PELI1: variants seen among roughly 807,000 people sequenced by gnomAD.
PELI1 encodes E3 ubiquitin-protein ligase pellino homolog 1.
A neutral mutation model predicts 41.3 loss-of-function variants in PELI1; 15 were observed. That is an observed-to-expected ratio of 0.36 (90% CI 0.24 to 0.56). The LOEUF is 0.56. Among genes scored for constraint, PELI1 ranks in the 20% least tolerant of loss-of-function variants. PELI1 has a pLI of 0.82. For missense variants in PELI1, 403 were observed against 525.5 expected (o/e 0.77, Z 2.28); for synonymous variants, 178 against 180.1 (o/e 0.99, Z 0.09).
At chr2:64,141,936 G>A (rs1348267720) in intron 1 of PELI1, among the ~76,000 whole-genome samples, 1 of 152,086 alleles carries the variant, frequency 6.6e-6, no homozygotes, top group East Asian at 1.9e-4. Flanking sequence ...TGGTAAATCT[G>A]GCTTGAAAAT....
intron 1 of PELI1, among the ~76,000 whole-genome samples, chr2:64,116,471 C>T (rs1680996168): frequency 6.6e-6 from 1 of 152,188 alleles, no homozygotes; most frequent in Non-Finnish European, 1.5e-5. Flanking sequence ...AAAGGATATT[C>T]ATGGGAAATC....
intron 2 of PELI1, among the ~76,000 whole-genome samples, chr2:64,107,256 T>C (rs1576077738): frequency 6.6e-6 from 1 of 152,208 alleles, no homozygotes; most frequent in African/African-American, 2.4e-5. Flanking sequence ...TTCTAGTTTC[T>C]GAGATCTCTA....
intron 2 of PELI1, among the ~76,000 whole-genome samples, chr2:64,105,442 C>A (rs2103684598): frequency 6.6e-6 from 1 of 151,650 alleles, no homozygotes; most frequent in East Asian, 1.9e-4. Flanking sequence ...TGTACACATA[C>A]ACACACACAC....
At chr2:64,110,339 A>C (rs1576080928) in intron 1 of PELI1, among the ~76,000 whole-genome samples, 1 of 151,946 alleles carries the variant, frequency 6.6e-6, no homozygotes, top group Non-Finnish European at 1.5e-5. Context: ...CTGACAGTGG[A>C]GTTCTCATCA....
At chr2:64,096,732 A>G in intron 4 of PELI1, 122 bp from the exon 5 acceptor site, 1 of 638,782 alleles carries the variant, frequency 1.6e-6, no homozygotes, top group Admixed American at 2.9e-5. Context: ...GAAGTTTACC[A>G]TACTTAACGC....
At chr2:64,100,681 G>GCA (rs1576071287) in intron 3 of PELI1, among the ~76,000 whole-genome samples, 182 bp from the exon 4 acceptor site, 1 of 152,172 alleles carries the variant, frequency 6.6e-6, no homozygotes, top group East Asian at 1.9e-4. Context: ...GGGTTGAATG[G>GCA]GGTACTGAAG....
At position 64,104,691 on chromosome 2, in the gene PELI1, T is replaced by TA. The variant is rs757710272; in HGVS notation, c.201+9_201+10insT. The TA allele has an allele frequency of 1.1e-4, 170 of 1,557,266 alleles. No homozygotes were observed. The highest frequency in any genetic ancestry group is 1.1e-3 in the Middle Eastern group (6 of 5,686). On this transcript the variant is annotated intron_variant, in intron 3 of 6. Transcript: ENST00000358912. ...AGTTAATTTATGTAGCTTTTTTTTT[T>TA]TTTTTTTACCTTTGCAGCCTGAGGA...
At chr2:64,130,798 T>C (rs1448434664) in intron 1 of PELI1, among the ~76,000 whole-genome samples, 2 of 152,160 alleles carry the variant, frequency 1.3e-5, no homozygotes, top group African/African-American at 4.8e-5. Flanking sequence ...TTAAAGCCTT[T>C]TGGGAACAGA....
At chr2:64,101,316 A>G (rs1680422137) in intron 3 of PELI1, among the ~76,000 whole-genome samples, 1 of 151,486 alleles carries the variant, frequency 6.6e-6, no homozygotes, top group Admixed American at 6.6e-5. Context: ...CCAGGAGATA[A>G]AAGAAAAAAA....
At chr2:64,100,131 T>TC (rs1318297884) in intron 4 of PELI1, among the ~76,000 whole-genome samples, 4 of 152,152 alleles carry the variant, frequency 2.6e-5, no homozygotes, top group Non-Finnish European at 1.5e-5. Context: ...CTCTTAACAG[T>TC]CATAGGGGAG....
chr2:64,142,430 A>G (rs1331453553), intron 1 of PELI1, among the ~76,000 whole-genome samples: 3 of 152,238 alleles, frequency 2.0e-5, no homozygotes, highest in Non-Finnish European at 2.9e-5. Flanking sequence ...CACTATTACT[A>G]CAGTTCTGAT....
chr2:64,109,894 C>T (rs1680748426), intron 1 of PELI1, among the ~76,000 whole-genome samples: 3 of 152,248 alleles, frequency 2.0e-5, no homozygotes, highest in African/African-American at 7.2e-5. Flanking sequence ...ATAGCAAAAT[C>T]TAACACGTGT....
In PELI1 at chr2:64,095,283, A is replaced by C; in HGVS notation, c.691-15T>G. ...TCAATTTCCACCTAGAGGAGACAAG[A>C]GTTGAAAAACATATTCACCACTCTG... is the stretch of plus-strand genomic sequence containing the variant. On this transcript the variant is annotated splice_polypyrimidine_tract_variant and intron_variant, in intron 6 of 6. Transcript: ENST00000358912. 6.3e-7 allele frequency: 1 copy of C among 1,586,376 alleles called. No homozygotes were observed. The highest frequency in any genetic ancestry group is 8.7e-7 in the Non-Finnish European group (1 of 1,156,038).
rs1680161468 is a variant in PELI1, at chr2:64,094,561, A to G, written c.*141T>C. On this transcript the variant is annotated 3_prime_UTR_variant, in exon 7 of 7. Transcript: ENST00000358912. ...AGATTTTTGCTCAGAAATTGCTACT[A>G]TTTATTATAAATGTTTTAAAAAATT... The G allele has an allele frequency of 1.9e-6, 1 of 539,242 alleles. No homozygotes were observed. Among genetic ancestry groups the G allele is most frequent in the Non-Finnish European group, 3.2e-6 (1 of 310,102 alleles). The allele number at this position is 539,242 out of a possible 1,614,324, so 33.4% of individuals were successfully genotyped here.
intron 1 of PELI1, among the ~76,000 whole-genome samples, chr2:64,110,799 T>C (rs931079266): frequency 1.3e-5 from 2 of 151,956 alleles, no homozygotes; most frequent in African/African-American, 2.4e-5. Flanking sequence ...TGGTGGCACG[T>C]GCCTGTAGTC....
chr2:64,101,986 C>T (rs1680452897), intron 3 of PELI1, among the ~76,000 whole-genome samples: 1 of 152,070 alleles, frequency 6.6e-6, no homozygotes, highest in African/African-American at 2.4e-5. Context: ...TGCCACCACG[C>T]CCGGCTAATT....
At chr2:64,134,405 G>C (rs1175759779) in intron 1 of PELI1, among the ~76,000 whole-genome samples, 1 of 152,020 alleles carries the variant, frequency 6.6e-6, no homozygotes, top group Non-Finnish European at 1.5e-5. Context: ...AGTTCCTTTG[G>C]AGAACAGACA....
Position 64,096,453 on chromosome 2 carries a change from T to C in PELI1, c.461A>G (p.Tyr154Cys), listed in dbSNP as rs759666257. 1.9e-6 allele frequency: 3 copies of C among 1,613,780 alleles called. No homozygotes were observed. Among genetic ancestry groups the C allele is most frequent in the South Asian group, 2.2e-5 (2 of 91,074 alleles). The change falls in exon 5 of 7, where the codon TAT becomes TGT. Residue 154 changes from tyrosine (Y) to cysteine (C), a missense_variant. Tyr to Cys is a radical substitution (Grantham distance 194). Coordinates refer to ENST00000358912, the MANE Select transcript of PELI1 (RefSeq NM_020651.4). ...TTTTGATGAGTCAAATCCTGCAGCATAAATCCGTGCTGTAAAGGGAGGATT... is the reference window on the plus strand; with the variant it reads ...TTTTGATGAGTCAAATCCTGCAGCACAAATCCGTGCTGTAAAGGGAGGATT... ...ERNPPFTARI[Y>C]AAGFDSSKNI...
In PELI1 at chr2:64,101,867, G is replaced by A. The variant is rs1240813478; in HGVS notation, c.202-1368C>T. ...TTTGGAGACAGAGTCTCGCTCTGTC[G>A]CCTAGGTTGCAGTGCAGTGGTGCTA... On this transcript the variant is annotated intron_variant, in intron 3 of 6. Transcript: ENST00000358912. 8.3e-5 allele frequency among the ~76,000 whole-genome samples: 11 copies of A among 133,266 alleles called. No homozygotes were observed. The East Asian group carries it at 1.1e-3, about 13-fold the overall frequency. The allele number at this position is 133,266 out of a possible 152,430, so 87.4% of individuals were successfully genotyped here. A position where few individuals can be genotyped will look rare whatever the true frequency, so the allele number is the denominator to read the frequency against.
Sources: allele counts gnomAD v4.1 joint callset (sites outside exome capture counted in the v4.1 genomes callset), GRCh38; gene constraint gnomAD v4.1.1; transcripts MANE v1.5; gene names NCBI Gene and HGNC (gene_info 2026-07-23, HGNC 2026-07-21).